GLRA3: variants seen among roughly 807,000 people sequenced by gnomAD.
GLRA3 encodes glycine receptor subunit alpha-3.
Under a neutral mutation model 60.4 loss-of-function variants are expected in GLRA3, and 44 were observed. The observed-to-expected ratio is 0.73, with a 90% CI of 0.57 to 0.94. The LOEUF (loss-of-function observed/expected upper bound fraction) is 0.94. GLRA3 is among the 40% of genes least tolerant of loss of function. The probability of loss-of-function intolerance (pLI) is 0.00; values close to 1 mark genes in which losing one functional copy is unlikely to be tolerated. For missense variants in GLRA3, 508 were observed against 564.6 expected (o/e 0.90, Z 1.02); for synonymous variants, 223 against 192.9 (o/e 1.16, Z -1.29).
intron 3 of GLRA3, among the ~76,000 whole-genome samples, chr4:174,763,715 T>C (rs889446159): frequency 2.0e-5 from 3 of 152,132 alleles, no homozygotes; most frequent in Non-Finnish European, 4.4e-5. Context: ...AATAATCACG[T>C]GCTTCTTTTA....
rs1451896271 is a variant in GLRA3, at chr4:174,692,210, G to A, written c.575-9271C>T. Among the ~76,000 whole-genome samples the A allele has an allele frequency of 2.4e-3, 363 of 151,184 alleles. 2 individuals carry two copies. Among genetic ancestry groups the A allele is most frequent in the African/African-American group, 7.7e-3 (315 of 41,042 alleles). Reference sequence around the variant, plus strand: ...TCTCCACCCAGCAGCCACCCCGTCCGGGAGGGAGGTGGGGGTCAGCCCCCG... The same window carrying A: ...TCTCCACCCAGCAGCCACCCCGTCCAGGAGGGAGGTGGGGGTCAGCCCCCG... On this transcript the variant is annotated intron_variant, in intron 5 of 9. Transcript: ENST00000274093.
At chr4:174,730,887 T>C (rs773778830) in intron 3 of GLRA3, among the ~76,000 whole-genome samples, 9 of 152,186 alleles carry the variant, frequency 5.9e-5, no homozygotes, top group Non-Finnish European at 1.3e-4. Context: ...AATCCTGTCA[T>C]TCATGACAGC....
chr4:174,705,047 G>A (rs919152746), intron 5 of GLRA3, among the ~76,000 whole-genome samples: 1 of 143,856 alleles, frequency 7.0e-6, no homozygotes, highest in Non-Finnish European at 1.5e-5. Flanking sequence ...CTACTGAACC[G>A]AATGCTTGAA....
Position 174,704,067 on chromosome 4 carries a change from G to T in GLRA3, c.574+11421C>A, listed in dbSNP as rs191430783. On this transcript the variant is annotated intron_variant, in intron 5 of 9. Transcript: ENST00000274093. ...CCCATTTTTTGGGGGTGCTGAGGTG[G>T]TTGGATCACTTGAGATCAAGTGTTC... 2.6e-3 allele frequency among the ~76,000 whole-genome samples: 279 copies of T among 105,996 alleles called. 22 individuals carry two copies. The highest frequency in any genetic ancestry group is 8.1e-3 in the African/African-American group (265 of 32,534). The allele number at this position is 105,996 out of a possible 152,430, so 69.5% of individuals were successfully genotyped here. A position where few individuals can be genotyped will look rare whatever the true frequency, so the allele number is the denominator to read the frequency against.
chr4:174,756,700 A>G (rs183668919), intron 3 of GLRA3, among the ~76,000 whole-genome samples: 1,490 of 146,988 alleles, frequency 0.01, 18 homozygotes, highest in African/African-American at 0.035. Context: ...GCTGGAGTGC[A>G]GTGGCGCGAT....
At chr4:174,819,496 T>C (rs190471493) in intron 1 of GLRA3, among the ~76,000 whole-genome samples, 1 of 152,290 alleles carries the variant, frequency 6.6e-6, no homozygotes, top group Admixed American at 6.5e-5. Context: ...TTCCATCCTC[T>C]TTTCTGCCCA....
chr4:174,731,182 A>T (rs1736531228), intron 3 of GLRA3, among the ~76,000 whole-genome samples: 1 of 152,208 alleles, frequency 6.6e-6, no homozygotes, highest in Non-Finnish European at 1.5e-5. Context: ...GCAAATGAAC[A>T]TTGAGATGGA....
At chr4:174,660,496 T>C (rs1425226125) in intron 7 of GLRA3, among the ~76,000 whole-genome samples, 1 of 76,454 alleles carries the variant, frequency 1.3e-5, no homozygotes, top group Non-Finnish European at 3.4e-5. Flanking sequence ...CCACAGTGCA[T>C]CATATCAGGA....
chr4:174,773,053 CA>C (rs1738455072), intron 2 of GLRA3, among the ~76,000 whole-genome samples: 4 of 152,146 alleles, frequency 2.6e-5, no homozygotes. Context: ...GAACGAAGCT[CA>C]GAGAAGATTA....
rs554018009 is a variant in GLRA3, at chr4:174,811,236, C to G, written c.71+17505G>C. ...AATAAACAGGGAATTTGCTCTGACT[C>G]TAGCCTAGAGTGTGCTGTTGGATAA... On this transcript the variant is annotated intron_variant, in intron 1 of 9. Coordinates refer to ENST00000274093, the MANE Select transcript of GLRA3 (RefSeq NM_006529.4). 4.7e-5 allele frequency among the ~76,000 whole-genome samples: 7 copies of G among 148,430 alleles called. No individual in the cohort carries two copies. In the East Asian group the frequency reaches 1.4e-3, roughly 29 times the overall value.
chr4:174,671,270 A>G (rs924290786), intron 7 of GLRA3, among the ~76,000 whole-genome samples: 4 of 152,204 alleles, frequency 2.6e-5, no homozygotes, highest in African/African-American at 9.6e-5. Flanking sequence ...CCAAAATATT[A>G]CTGACAATAA....
chr4:174,644,119 C>A (rs1210755495), intron 9 of GLRA3, 55 bp from the exon 10 acceptor site: 5 of 975,572 alleles, frequency 5.1e-6, no homozygotes, highest in Admixed American at 2.2e-5. Flanking sequence ...GCATGTATAA[C>A]AGGCATCTCA....
chr4:174,672,119 T>A (rs983043309), intron 7 of GLRA3, among the ~76,000 whole-genome samples: 3 of 152,158 alleles, frequency 2.0e-5, no homozygotes, highest in Non-Finnish European at 4.4e-5. Context: ...AAATATTTTA[T>A]CAAAAAGCCA....
intron 2 of GLRA3, among the ~76,000 whole-genome samples, chr4:174,773,741 T>C (rs1037145321): frequency 1.3e-5 from 2 of 152,172 alleles, no homozygotes; most frequent in South Asian, 2.1e-4. Flanking sequence ...TTGTAAATTA[T>C]GGCATAGAAG....
At chr4:174,809,782 A>G (rs953870482) in intron 1 of GLRA3, among the ~76,000 whole-genome samples, 12 of 152,178 alleles carry the variant, frequency 7.9e-5, no homozygotes, top group African/African-American at 2.9e-4. Flanking sequence ...TTTAGGAAGC[A>G]TAACTCAGTA....
At chr4:174,728,775 G>T in intron 3 of GLRA3, 77 bp from the exon 4 acceptor site, 1 of 850,710 alleles carries the variant, frequency 1.2e-6, no homozygotes, top group Non-Finnish European at 1.8e-6. Flanking sequence ...TCAGTGTGGT[G>T]CCAAGGCAGG....
intron 9 of GLRA3, among the ~76,000 whole-genome samples, chr4:174,648,913 A>T (rs1234118433): frequency 6.6e-6 from 1 of 152,144 alleles, no homozygotes; most frequent in Non-Finnish European, 1.5e-5. Context: ...GCCTGCTGGG[A>T]GGACGGAAAT....
At chr4:174,751,022 A>G (rs1260722154) in intron 3 of GLRA3, among the ~76,000 whole-genome samples, 1 of 152,040 alleles carries the variant, frequency 6.6e-6, no homozygotes, top group African/African-American at 2.4e-5. Flanking sequence ...GTTTACCCTT[A>G]TATCAGCTAA....
At chr4:174,794,892 C>G (rs1033280705) in intron 1 of GLRA3, among the ~76,000 whole-genome samples, 1 of 151,948 alleles carries the variant, frequency 6.6e-6, no homozygotes, top group Non-Finnish European at 1.5e-5. Flanking sequence ...ATATAAAAAT[C>G]CATTTAATAG....
Sources: allele counts gnomAD v4.1 joint callset (sites outside exome capture counted in the v4.1 genomes callset), GRCh38; gene constraint gnomAD v4.1.1; transcripts MANE v1.5; gene names NCBI Gene and HGNC (gene_info 2026-07-23, HGNC 2026-07-21).